Variants in ITGA9 observed in about 807,000 individuals in gnomAD.
The protein encoded by ITGA9 is integrin subunit alpha 9, also known as integrin alpha-9.
In ITGA9, 56 loss-of-function variants were observed where a neutral mutation model predicts 127.8. That is an observed-to-expected ratio of 0.44 (90% confidence interval 0.35 to 0.55). The LOEUF is 0.55. Among genes scored for constraint, ITGA9 ranks in the 20% least tolerant of loss-of-function variants. ITGA9 has a pLI of 0.00. For synonymous variants in ITGA9, 508 were observed against 514.5 expected (o/e 0.99, Z 0.17); for missense variants, 1,196 against 1,347.1 (o/e 0.89, Z 1.76).
At chr3:37,767,315 A>G (rs1696791294) in intron 23 of ITGA9, among the ~76,000 whole-genome samples, 1 of 152,222 alleles carries the variant, frequency 6.6e-6, no homozygotes. Flanking sequence ...TGATCTCAGT[A>G]ACACCCTGAC....
At chr3:37,704,035 ATCT>A (rs1241464433) in intron 18 of ITGA9, among the ~76,000 whole-genome samples, 3 of 152,146 alleles carry the variant, frequency 2.0e-5, no homozygotes, top group Non-Finnish European at 2.9e-5. Context: ...GCTCTAATGC[ATCT>A]TCTTTGCATA....
chr3:37,496,533 A>G (rs1430833462), intron 5 of ITGA9, among the ~76,000 whole-genome samples: 1 of 152,082 alleles, frequency 6.6e-6, no homozygotes. Flanking sequence ...CTTGCTTCCA[A>G]CCCACTGCGG....
chr3:37,694,385 C>G (rs1381876211), intron 18 of ITGA9, among the ~76,000 whole-genome samples: 1 of 152,210 alleles, frequency 6.6e-6, no homozygotes, highest in Non-Finnish European at 1.5e-5. Context: ...GAGAGCCCAG[C>G]CTTGAGTGAA....
Position 37,503,315 on chromosome 3 carries a change from C to T in ITGA9, c.742+8C>T, listed in dbSNP as rs371776804. 1.9e-5 allele frequency: 30 copies of T among 1,613,688 alleles called. No individual in the cohort carries two copies. In the South Asian group the frequency reaches 2.7e-4, roughly 15 times the overall value. On this transcript the variant is annotated splice_region_variant and intron_variant, in intron 6 of 27. Coordinates refer to ENST00000264741, the MANE Select transcript of ITGA9 (RefSeq NM_002207.3). ...GGCGGTACACCTACCTGGGTGAGTA[C>T]TCAGGGAGAGAACAGGTAAGAAAGG... is the stretch of plus-strand genomic sequence containing the variant.
chr3:37,616,116 C>T (rs1575168244), intron 15 of ITGA9, among the ~76,000 whole-genome samples: 5 of 152,296 alleles, frequency 3.3e-5, no homozygotes, highest in Middle Eastern at 3.4e-3. Flanking sequence ...CTGTAAATTT[C>T]CCTCTACACA....
At position 37,719,084 on chromosome 3, in the gene ITGA9, A is replaced by G. The variant is rs146483881; in HGVS notation, c.2068-13628A>G. Among the ~76,000 whole-genome samples the G allele has an allele frequency of 4.8e-3, 732 of 152,330 alleles. 9 individuals carry two copies. The highest frequency in any genetic ancestry group is 0.03 in the South Asian group (144 of 4,828). On this transcript the variant is annotated intron_variant, in intron 18 of 27. Transcript: ENST00000264741. Reference sequence around the variant, plus strand: ...AAAACAAAGTGTCATATTGGGATTCATCTGTGGCAGTTTGCAGAACATATC... The same window carrying G: ...AAAACAAAGTGTCATATTGGGATTCGTCTGTGGCAGTTTGCAGAACATATC...
Position 37,525,421 on chromosome 3 carries a change from G to C in ITGA9, c.1328-605G>C, listed in dbSNP as rs550118599. On this transcript the variant is annotated intron_variant, in intron 12 of 27. Coordinates refer to ENST00000264741, the MANE Select transcript of ITGA9 (RefSeq NM_002207.3). ...ATCAGCTTTTGAAGAAGGCCCTGGG[G>C]ATAATTATCTTCATTTTACAGACAG... Among the ~76,000 whole-genome samples, 39 of 152,168 alleles carry C rather than the reference G, an allele frequency of 2.6e-4. No homozygotes were observed. The South Asian group carries it at 7.9e-3, about 31-fold the overall frequency.
chr3:37,613,647 A>C (rs1700045640), intron 15 of ITGA9, among the ~76,000 whole-genome samples: 1 of 152,186 alleles, frequency 6.6e-6, no homozygotes, highest in Non-Finnish European at 1.5e-5. Flanking sequence ...CTTTTTAATG[A>C]TCACCATTCT....
At chr3:37,714,765 C>G (rs1162253424) in intron 18 of ITGA9, among the ~76,000 whole-genome samples, 1 of 152,202 alleles carries the variant, frequency 6.6e-6, no homozygotes, top group African/African-American at 2.4e-5. Context: ...TGTGTTTTAG[C>G]AAGCCTCCAT....
chr3:37,629,371 G>A lies in ITGA9; in HGVS notation c.1839+35G>A, dbSNP rs1469493602. On this transcript the variant is annotated intron_variant, in intron 16 of 27. Transcript: ENST00000264741. This position sits in a 1 kb window ranked among gnomAD's most constrained non-coding sequence, Gnocchi z 4.5. ...TTAAAGCTCATACTCAGCACCCAAG[G>A]TGGCAGCTGCACAGAGCAGAAATAA... is the stretch of plus-strand genomic sequence containing the variant. 2 of 1,611,828 alleles carry A rather than the reference G, an allele frequency of 1.2e-6. No homozygotes were observed. Among genetic ancestry groups the A allele is most frequent in the African/African-American group, 2.7e-5 (2 of 75,002 alleles).
intron 3 of ITGA9, among the ~76,000 whole-genome samples, chr3:37,475,916 T>C (rs995323507): frequency 6.6e-6 from 1 of 152,264 alleles, no homozygotes; most frequent in Non-Finnish European, 1.5e-5. Flanking sequence ...AGAGTTTGAC[T>C]ACTTTAGATC....
chr3:37,780,114 A>AT, intron 25 of ITGA9, 93 bp downstream of exon 25: 1 of 1,483,228 alleles, frequency 6.7e-7, no homozygotes, highest in Admixed American at 1.7e-5. Flanking sequence ...AAAGGAAAGC[A>AT]TTTGAATTGG....
intron 11 of ITGA9, among the ~76,000 whole-genome samples, chr3:37,522,744 AG>A (rs1197302334): frequency 2.0e-5 from 3 of 151,416 alleles, no homozygotes; most frequent in African/African-American, 7.3e-5. Context: ...AAAAAGAGAA[AG>A]TTTTTTGTTT....
At chr3:37,550,991 C>A (rs964634812) in intron 15 of ITGA9, among the ~76,000 whole-genome samples, 1 of 152,192 alleles carries the variant, frequency 6.6e-6, no homozygotes, top group African/African-American at 2.4e-5. Flanking sequence ...TCATATCACT[C>A]AAGTCATGCC....
intron 13 of ITGA9, among the ~76,000 whole-genome samples, chr3:37,530,717 G>GTTTTTTTT (rs71094916): frequency 1.0e-4 from 9 of 86,254 alleles, no homozygotes; most frequent in East Asian, 4.0e-4. Context: ...CAGCTACCAG[G>GTTTTTTTT]TTTTTTTTTT....
chr3:37,568,510 A>G (rs562490158), intron 15 of ITGA9, among the ~76,000 whole-genome samples: 1 of 152,148 alleles, frequency 6.6e-6, no homozygotes, highest in Non-Finnish European at 1.5e-5. Flanking sequence ...TTTCTATCGC[A>G]TTGTCAGGCC....
chr3:37,587,039 C>A (rs1249375678), intron 15 of ITGA9, among the ~76,000 whole-genome samples: 2 of 152,134 alleles, frequency 1.3e-5, no homozygotes, highest in African/African-American at 4.8e-5. Context: ...TTTGGGGATG[C>A]CTTGGGTTGA....
intron 15 of ITGA9, among the ~76,000 whole-genome samples, chr3:37,602,329 A>G (rs1461910578): frequency 1.3e-5 from 2 of 152,206 alleles, no homozygotes; most frequent in East Asian, 3.8e-4. Context: ...ACTAACATTC[A>G]CTGTGGACTT....
Position 37,743,699 on chromosome 3 carries a change from A to T in ITGA9, c.2325-227A>T, listed in dbSNP as rs568490892. 2.6e-5 allele frequency among the ~76,000 whole-genome samples: 4 copies of T among 152,362 alleles called. No individual in the cohort carries two copies. In the East Asian group the frequency reaches 7.7e-4, roughly 29 times the overall value. ...CTTGTCATTTCAGAAAGGTAATCCCAGTGCATATTTCTCCATGCAGCTTAT... is the reference window on the plus strand; with the variant it reads ...CTTGTCATTTCAGAAAGGTAATCCCTGTGCATATTTCTCCATGCAGCTTAT... On this transcript the variant is annotated intron_variant, in intron 21 of 27. Coordinates refer to ENST00000264741, the MANE Select transcript of ITGA9 (RefSeq NM_002207.3).
Sources: gnomAD v4.1 joint callset for allele counts (sites outside exome capture counted in the v4.1 genomes callset) on GRCh38, gnomAD v4.1.1 for gene constraint, Gnocchi (gnomAD v3.1) non-coding constraint, MANE v1.5 for transcripts, NCBI Gene and HGNC (gene_info 2026-07-23, HGNC 2026-07-21) for gene names.